TENM4: variants seen among roughly 807,000 people sequenced by gnomAD.
TENM4 encodes the protein teneurin transmembrane protein 4.
A neutral mutation model predicts 243.3 loss-of-function variants in TENM4; 82 were observed. That is an observed-to-expected ratio of 0.34 (90% CI 0.28 to 0.40). The LOEUF (loss-of-function observed/expected upper bound fraction) is 0.40. Ranked by LOEUF, TENM4 falls within the 10% of genes least tolerant of loss-of-function variation. TENM4 has a pLI of 1.00. For synonymous variants in TENM4, 1,412 were observed against 1,456.3 expected, an observed-to-expected ratio of 0.97 and a Z score of 0.69; for missense variants, 3,138 against 3,673.3, an observed-to-expected ratio of 0.85 and a Z score of 3.77.
intron 4 of TENM4, among the ~76,000 whole-genome samples, chr11:79,100,116 T>C (rs1330388041): frequency 6.6e-6 from 1 of 152,192 alleles, no homozygotes; most frequent in African/African-American, 2.4e-5. Context: ...TTTCCCTGTC[T>C]GTAAAATGGG....
intron 1 of TENM4, among the ~76,000 whole-genome samples, chr11:79,328,680 G>A (rs1207463654): frequency 6.6e-6 from 1 of 152,144 alleles, no homozygotes; most frequent in Admixed American, 6.5e-5. Context: ...GTGGACGAGG[G>A]GATCATCTTC....
chr11:78,846,557 C>T (rs557906499), intron 12 of TENM4, among the ~76,000 whole-genome samples: 1 of 152,342 alleles, frequency 6.6e-6, no homozygotes, highest in South Asian at 2.1e-4. Flanking sequence ...GTTAAAGCAT[C>T]ATGCAAGGTG....
intron 29 of TENM4, among the ~76,000 whole-genome samples, chr11:78,683,958 C>G (rs1161353000): frequency 6.6e-6 from 1 of 152,184 alleles, no homozygotes; most frequent in Non-Finnish European, 1.5e-5. Flanking sequence ...CTGCACTGCC[C>G]CCGTCTTCAG....
intron 1 of TENM4, among the ~76,000 whole-genome samples, chr11:79,427,738 A>C (rs1240012571): frequency 1.3e-5 from 2 of 152,238 alleles, no homozygotes; most frequent in Non-Finnish European, 2.9e-5. Flanking sequence ...AAAGGTTATA[A>C]AATTTTCAAA....
At chr11:79,237,566 A>G (rs1287165749) in intron 2 of TENM4, among the ~76,000 whole-genome samples, 1 of 152,184 alleles carries the variant, frequency 6.6e-6, no homozygotes, top group Non-Finnish European at 1.5e-5. Flanking sequence ...AATCCCAGCT[A>G]CTTGGGAGGC....
intron 9 of TENM4, among the ~76,000 whole-genome samples, chr11:78,871,793 G>A (rs1233981876): frequency 2.0e-5 from 3 of 152,120 alleles, no homozygotes; most frequent in Non-Finnish European, 1.5e-5. Flanking sequence ...CTCCCTTTAG[G>A]GCAGGGATTA....
intron 3 of TENM4, 78 bp from the exon 4 acceptor site, chr11:79,148,884 C>A (rs1426464107): frequency 2.3e-6 from 1 of 429,456 alleles, no homozygotes; most frequent in Non-Finnish European, 3.1e-6. Context: ...AAGATTCTGG[C>A]AGCTTGGGAG....
At chr11:79,353,085 A>G (rs1215570420) in intron 1 of TENM4, among the ~76,000 whole-genome samples, 1 of 152,026 alleles carries the variant, frequency 6.6e-6, no homozygotes, top group African/African-American at 2.4e-5. Flanking sequence ...AGGCAGGGGG[A>G]AAGGATGTAG....
intron 4 of TENM4, among the ~76,000 whole-genome samples, chr11:79,132,344 T>TA (rs1565216680): frequency 2.9e-4 from 1 of 3,438 alleles, no homozygotes; most frequent in African/African-American, 1.2e-3. Flanking sequence ...AGACTCCAAC[T>TA]CAAAAAAAAA....
intron 4 of TENM4, among the ~76,000 whole-genome samples, chr11:79,112,304 G>T (rs560399094): frequency 1.3e-5 from 2 of 152,334 alleles, no homozygotes; most frequent in South Asian, 4.1e-4. Context: ...AATCCAGATA[G>T]AATTCAGTGT....
At chr11:78,872,477 A>AT (rs1859160140) in intron 9 of TENM4, among the ~76,000 whole-genome samples, 1 of 152,150 alleles carries the variant, frequency 6.6e-6, no homozygotes, top group African/African-American at 2.4e-5. Context: ...CAGGTCTGGG[A>AT]TGGTGCCTGT....
rs117809704 is a variant in TENM4, at chr11:79,064,292, T to C, written c.493+446A>G. 6.7e-3 allele frequency among the ~76,000 whole-genome samples: 1,020 copies of C among 152,310 alleles called. 3 individuals are homozygous for C. The highest frequency in any genetic ancestry group is 0.011 in the Non-Finnish European group (743 of 68,020). On this transcript the variant is annotated intron_variant, in intron 6 of 33. Coordinates refer to ENST00000278550, the MANE Select transcript of TENM4 (RefSeq NM_001098816.3). Reference sequence around the variant, plus strand: ...CAGTTTTTGTTTGGAAGCCATCCTCTGAACAACATAAGATGCTGATGTGGG... The same window carrying C: ...CAGTTTTTGTTTGGAAGCCATCCTCCGAACAACATAAGATGCTGATGTGGG...
chr11:79,287,013 A>C lies in TENM4; in HGVS notation c.-265+10475T>G, dbSNP rs543549158. 4.6e-5 allele frequency among the ~76,000 whole-genome samples: 7 copies of C among 152,346 alleles called. No individual in the cohort carries two copies. The South Asian group carries it at 1.4e-3, about 32-fold the overall frequency. ...AACTTGTGTTGGGAGCTATTGGTGA[A>C]GGGGCCAGACCAAGAAATAAAAACT... On this transcript the variant is annotated intron_variant, in intron 2 of 33. Transcript: ENST00000278550.
At chr11:78,997,242 G>A (rs1043787958) in intron 6 of TENM4, among the ~76,000 whole-genome samples, 38 of 152,140 alleles carry the variant, frequency 2.5e-4, no homozygotes, top group Admixed American at 7.9e-4. Context: ...GCAGTCCAGC[G>A]TGTTCTCTCC....
In TENM4 at chr11:78,657,246, C is replaced by T. The variant is rs1407085330; in HGVS notation, c.*812G>A. The T allele has an allele frequency of 1.0e-5, 4 of 398,552 alleles. No individual in the cohort carries two copies. The highest frequency in any genetic ancestry group is 1.8e-5 in the Non-Finnish European group (4 of 226,168). 24.7% of individuals were successfully genotyped at this position (398,552 alleles called of 1,614,324 possible). On this transcript the variant is annotated 3_prime_UTR_variant, in exon 34 of 34. Transcript: ENST00000278550. The stretch of plus-strand genomic sequence containing the variant: ...CACAGGCATCCTGGGTGCTTTCCCT[C>T]CCGGGAGGATGGGACTCTGAGCCCA...
chr11:79,217,724 ATT>A (rs780243326), intron 2 of TENM4, among the ~76,000 whole-genome samples: 1 of 145,734 alleles, frequency 6.9e-6, no homozygotes, highest in Non-Finnish European at 1.5e-5. Context: ...TCAGGGTAGA[ATT>A]TTTTTTTTTT....
chr11:79,159,551 G>A (rs148054599), intron 3 of TENM4, among the ~76,000 whole-genome samples: 2 of 152,260 alleles, frequency 1.3e-5, no homozygotes, highest in African/African-American at 4.8e-5. Context: ...TGGACCAGAT[G>A]CTTTTAACAT....
chr11:78,672,481 G>A (rs1263910094), intron 30 of TENM4, among the ~76,000 whole-genome samples, 152 bp from the exon 31 acceptor site: 1 of 152,208 alleles, frequency 6.6e-6, no homozygotes, highest in African/African-American at 2.4e-5. Flanking sequence ...TTGAATCCTG[G>A]CTCTGTCATT....
intron 6 of TENM4, chr11:78,962,196 G>C (rs1431461216): frequency 1.3e-5 from 2 of 152,570 alleles, no homozygotes; most frequent in African/African-American, 4.8e-5. Context: ...GAATGAATTA[G>C]GGACAAACTC....
Sources: gnomAD v4.1 joint callset for allele counts (sites outside exome capture counted in the v4.1 genomes callset) on GRCh38, gnomAD v4.1.1 for gene constraint, MANE v1.5 for transcripts, NCBI Gene and HGNC (gene_info 2026-07-23, HGNC 2026-07-21) for gene names.